Variants in TTLL5 observed in about 807,000 individuals in gnomAD.
TTLL5 encodes tubulin polyglutamylase TTLL5.
In TTLL5, 132 loss-of-function variants were observed where a neutral mutation model predicts 168.4. That is an observed-to-expected ratio of 0.78 (90% CI 0.68 to 0.91). The LOEUF (loss-of-function observed/expected upper bound fraction) is 0.91, where lower values mean the gene tolerates loss of function less well. TTLL5 is among the 40% of genes least tolerant of loss of function. The pLI is 0.00. For missense variants in TTLL5, 1,545 were observed against 1,581.5 expected (o/e 0.98, Z 0.39); for synonymous variants, 546 against 558.6 (o/e 0.98, Z 0.32).
At chr14:75,745,614 C>G in intron 17 of TTLL5, 33 bp downstream of exon 17, 1 of 1,558,334 alleles carries the variant, frequency 6.4e-7, no homozygotes, top group African/African-American at 1.4e-5. Flanking sequence ...TTATTCTTTA[C>G]CTGAGGTCCA....
chr14:75,711,046 T>C lies in TTLL5; in HGVS notation c.740+3339T>C, dbSNP rs547620719. 2.6e-5 allele frequency: 4 copies of C among 152,370 alleles called. No homozygotes were observed. The East Asian group carries it at 7.7e-4, about 29-fold the overall frequency. The allele number at this position is 152,370 out of a possible 1,614,324, so 9.4% of individuals were successfully genotyped here. A position where few individuals can be genotyped will look rare whatever the true frequency, so the allele number is the denominator to read the frequency against. ...CAAGACAGTTTTGTGATATAAGTTA[T>C]TTTGTGTAAAATTTTTTAACACAAA... is the stretch of plus-strand genomic sequence containing the variant. On this transcript the variant is annotated intron_variant, in intron 9 of 31. Coordinates refer to ENST00000298832, the MANE Select transcript of TTLL5 (RefSeq NM_015072.5).
intron 30 of TTLL5, among the ~76,000 whole-genome samples, chr14:75,891,052 C>T (rs562925816): frequency 7.2e-5 from 11 of 152,114 alleles, no homozygotes; most frequent in Non-Finnish European, 1.6e-4. Flanking sequence ...CTTCCAGGTG[C>T]GCACAAGATA....
intron 28 of TTLL5, among the ~76,000 whole-genome samples, chr14:75,841,976 G>A (rs972394531): frequency 2.0e-5 from 3 of 151,994 alleles, no homozygotes; most frequent in Non-Finnish European, 2.9e-5. Flanking sequence ...CCACTATGTC[G>A]TTTTTGAAAG....
chr14:75,857,273 G>A (rs982888642), intron 28 of TTLL5, among the ~76,000 whole-genome samples: 1 of 152,082 alleles, frequency 6.6e-6, no homozygotes, highest in African/African-American at 2.4e-5. Context: ...TTCTCTTAAT[G>A]TGGTGAATTA....
intron 12 of TTLL5, among the ~76,000 whole-genome samples, chr14:75,731,301 A>C (rs1009898712): frequency 6.6e-5 from 10 of 151,548 alleles, no homozygotes; most frequent in Non-Finnish European, 8.8e-5. Context: ...AGTTTTTTTG[A>C]GGGTCACAGG....
chr14:75,732,160 T>C (rs1888590351), intron 12 of TTLL5, 178 bp from the exon 13 acceptor site: 2 of 562,470 alleles, frequency 3.6e-6, no homozygotes, highest in South Asian at 2.4e-5. Flanking sequence ...TCCTAGAACT[T>C]GATTAATTTC....
intron 4 of TTLL5, among the ~76,000 whole-genome samples, 161 bp downstream of exon 4, chr14:75,681,788 G>A (rs1884630871): frequency 6.6e-6 from 1 of 151,968 alleles, no homozygotes; most frequent in African/African-American, 2.4e-5. Context: ...GGCTTTACCA[G>A]TTTCTGCTTG....
At chr14:75,828,450 T>C (rs550370232) in intron 28 of TTLL5, among the ~76,000 whole-genome samples, 1 of 152,360 alleles carries the variant, frequency 6.6e-6, no homozygotes, top group East Asian at 1.9e-4. Flanking sequence ...TTTTATTCTC[T>C]AGCTTACTTT....
intron 30 of TTLL5, among the ~76,000 whole-genome samples, chr14:75,884,091 G>C (rs1261375813): frequency 6.6e-6 from 1 of 152,146 alleles, no homozygotes; most frequent in East Asian, 1.9e-4. Context: ...TACCTCCTAG[G>C]TCAGTTGTTA....
chr14:75,783,526 G>A lies in TTLL5; in HGVS notation c.2982G>A (p.Lys994=). The part of the protein sequence containing the change: ...SQKLSRPSSA[K]AGSCYLNKHH... ...AACTGTCTCGTCCCTCTTCAGCAAA[G>A]GCAGGTGAGTGAGAGAACGAAAGAC... is the stretch of plus-strand genomic sequence containing the variant. Residue 994 remains lysine, a synonymous_variant, in exon 26 of 32, where the codon AAG becomes AAA. Transcript: ENST00000298832. 6.2e-7 allele frequency: 1 copy of A among 1,612,622 alleles called. No individual in the cohort carries two copies. The highest frequency in any genetic ancestry group is 8.5e-7 in the Non-Finnish European group (1 of 1,178,860).
At chr14:75,796,434 T>C (rs1383743267) in intron 27 of TTLL5, among the ~76,000 whole-genome samples, 2 of 152,020 alleles carry the variant, frequency 1.3e-5, no homozygotes, top group Non-Finnish European at 2.9e-5. Flanking sequence ...TTAATTAAAT[T>C]CTATCTATTT....
At chr14:75,859,987 A>G (rs1897320173) in intron 28 of TTLL5, among the ~76,000 whole-genome samples, 1 of 152,182 alleles carries the variant, frequency 6.6e-6, no homozygotes, top group African/African-American at 2.4e-5. Context: ...GCCCCCACCC[A>G]GTGTTGCAGT....
chr14:75,871,347 GT>G (rs1386837170), intron 29 of TTLL5, among the ~76,000 whole-genome samples: 1 of 152,128 alleles, frequency 6.6e-6, no homozygotes, highest in Non-Finnish European at 1.5e-5. Flanking sequence ...TGTTCAAAGA[GT>G]TTGGGTAACT....
chr14:75,675,700 A>G (rs550704487), intron 3 of TTLL5, among the ~76,000 whole-genome samples: 6 of 152,304 alleles, frequency 3.9e-5, no homozygotes, highest in East Asian at 1.9e-4. Flanking sequence ...TACAGTTGCA[A>G]TCTTCCATTT....
intron 27 of TTLL5, among the ~76,000 whole-genome samples, chr14:75,807,658 A>G (rs1279928045): frequency 6.6e-6 from 1 of 152,234 alleles, no homozygotes; most frequent in Non-Finnish European, 1.5e-5. Context: ...ACAGATGGCA[A>G]GTTACTGTGC....
rs140651807 is a variant in TTLL5, at chr14:75,794,998, C to G, written c.3171+1898C>G. The stretch of plus-strand genomic sequence containing the variant: ...ATCTTGGGCAGTTCACCCCACTGTT[C>G]TCCTGCCACTGACTCCTGTGTGATA... On this transcript the variant is annotated intron_variant, in intron 27 of 31. Transcript: ENST00000298832. Among the ~76,000 whole-genome samples, 815 of 152,110 alleles carry G rather than the reference C, an allele frequency of 5.4e-3. 12 individuals are homozygous for G. The highest frequency in any genetic ancestry group is 0.018 in the African/African-American group (761 of 41,456).
At chr14:75,726,051 G>A (rs1888170635) in intron 12 of TTLL5, among the ~76,000 whole-genome samples, 1 of 152,164 alleles carries the variant, frequency 6.6e-6, no homozygotes. Flanking sequence ...GCTAATGTCA[G>A]CACTTTCCAT....
chr14:75,867,078 A>C (rs1286901887), intron 29 of TTLL5, among the ~76,000 whole-genome samples: 1 of 152,248 alleles, frequency 6.6e-6, no homozygotes, highest in African/African-American at 2.4e-5. Flanking sequence ...GTAAATAGCC[A>C]GATAGTAAAT....
intron 28 of TTLL5, among the ~76,000 whole-genome samples, chr14:75,847,984 T>TC (rs397755138): frequency 2.6e-5 from 4 of 151,538 alleles, no homozygotes; most frequent in South Asian, 4.2e-4. Context: ...TTTTTTTTTT[T>TC]AATCTCTTGT....
Sources: gnomAD v4.1 joint callset for allele counts (sites outside exome capture counted in the v4.1 genomes callset) on GRCh38, gnomAD v4.1.1 for gene constraint, MANE v1.5 for transcripts, NCBI Gene and HGNC (gene_info 2026-07-23, HGNC 2026-07-21) for gene names.